EIF2B2: variants seen among roughly 807,000 people sequenced by gnomAD.
EIF2B2 encodes translation initiation factor eIF2B subunit beta.
EIF2B2 carries 34 observed loss-of-function variants against 34.7 expected under a neutral mutation model. That is an observed-to-expected ratio of 0.98 (90% CI 0.75 to 1.31). The LOEUF is 1.31. Ranked by LOEUF, EIF2B2 falls within the 50% of genes most tolerant of loss-of-function variation. The pLI is 0.00. For synonymous variants in EIF2B2, 155 were observed against 171.6 expected (o/e 0.90, Z 0.76); for missense variants, 361 against 447.7 (o/e 0.81, Z 1.75).
At position 75,004,689 on chromosome 14, in the gene EIF2B2, ATTTTTTTTTTTTTT is replaced by A. The variant is rs376012405; in HGVS notation, c.434-32_434-19del. 26 of 155,340 alleles carry A rather than the reference ATTTTTTTTTTTTTT, an allele frequency of 1.7e-4. 3 individuals are homozygous for A. The highest frequency in any genetic ancestry group is 8.4e-4 in the East Asian group (5 of 5,956). The allele number at this position is 155,340 out of a possible 1,614,324, so 9.6% of individuals were successfully genotyped here. ...TTCATATATATATATATATATATAT[ATTTTTTTTTTTTTT>A]TTTTTTTTTTTTTTTGCAAAACCGT... On this transcript the variant is annotated intron_variant, in intron 3 of 7. Transcript: ENST00000266126.
Position 75,009,064 on chromosome 14 carries a change from CTG to C in EIF2B2, c.936_937del (p.Phe313Ter). The C allele has an allele frequency of 1.9e-6, 3 of 1,614,060 alleles. No individual in the cohort carries two copies. The highest frequency in any genetic ancestry group is 2.5e-6 in the Non-Finnish European group (3 of 1,179,990). On this transcript the variant is annotated frameshift_variant, in exon 8 of 8. Coordinates refer to ENST00000266126, the MANE Select transcript of EIF2B2 (RefSeq NM_014239.4). LOFTEE classifies it high-confidence loss of function. ...CTGGAGAAGGTCAGCGTGCATTGCC[CTG>C]TGTTTGACTACGTTCCCCCAGAGCT...
In EIF2B2 at chr14:75,002,961, C is replaced by A. The variant is rs746984359; in HGVS notation, c.-30C>A. On this transcript the variant is annotated 5_prime_UTR_variant, in exon 1 of 8. Transcript: ENST00000266126. ...GTGGTCTGGCAGGTGTGGATTCCGC[C>A]GGTGAAGGCTGAAGGCAGCTACCTT... 2 of 1,613,462 alleles carry A rather than the reference C, an allele frequency of 1.2e-6. No homozygotes were observed. The highest frequency in any genetic ancestry group is 1.7e-6 in the Non-Finnish European group (2 of 1,180,010).
At chr14:75,003,512 C>T (rs746678040) in intron 2 of EIF2B2, 39 bp from the exon 3 acceptor site, 1 of 1,614,136 alleles carries the variant, frequency 6.2e-7, no homozygotes, top group South Asian at 1.1e-5. Flanking sequence ...CCTGACCACT[C>T]CTCCCCACCT....
rs1889672136 is a variant in EIF2B2, at chr14:75,009,308, A to G, written c.*120A>G. On this transcript the variant is annotated 3_prime_UTR_variant, in exon 8 of 8. Coordinates refer to ENST00000266126, the MANE Select transcript of EIF2B2 (RefSeq NM_014239.4). ...AGTGCACAGGAGTCCACCTAAAAAA[A>G]AAATCCTTGATACTGTTGCCTGCCT... The G allele has an allele frequency of 7.8e-7, 1 of 1,280,650 alleles. No homozygotes were observed. Among genetic ancestry groups the G allele is most frequent in the Non-Finnish European group, 1.1e-6 (1 of 889,456 alleles). 79.3% of individuals were successfully genotyped at this position (1,280,650 alleles called of 1,614,324 possible).
At chr14:75,003,228 C>A (rs1393564240) in intron 1 of EIF2B2, 47 bp from the exon 2 acceptor site, 19 of 1,613,230 alleles carry the variant, frequency 1.2e-5, no homozygotes, top group African/African-American at 5.3e-5. Context: ...ATTTCCCAGG[C>A]CTCACTTCGC....
intron 7 of EIF2B2, among the ~76,000 whole-genome samples, chr14:75,008,759 A>C (rs1227682205): frequency 1.3e-5 from 2 of 152,160 alleles, no homozygotes; most frequent in Non-Finnish European, 2.9e-5. Context: ...AGTGGTCCAA[A>C]TTGTAATTCA....
chr14:75,005,087 G>C, intron 4 of EIF2B2, 187 bp downstream of exon 4: 1 of 668,674 alleles, frequency 1.5e-6, no homozygotes, highest in Non-Finnish European at 2.6e-6. Flanking sequence ...AGTGGTTTAA[G>C]AAAGTTGGGG....
rs1889693664 is a variant in EIF2B2, at chr14:75,010,771, G to C, written c.*1583G>C. 1 of 152,128 alleles carries C rather than the reference G, an allele frequency of 6.6e-6. No individual in the cohort carries two copies. The highest frequency in any genetic ancestry group is 2.1e-4 in the South Asian group (1 of 4,826). 9.4% of individuals were successfully genotyped at this position (152,128 alleles called of 1,614,324 possible). On this transcript the variant is annotated 3_prime_UTR_variant, in exon 8 of 8. Coordinates refer to ENST00000266126, the MANE Select transcript of EIF2B2 (RefSeq NM_014239.4). ...CTGTAGGCATTTGAGTTGTGATCCT[G>C]GTGTTAAAAGAATGGGACAGATTTG...
At position 75,006,871 on chromosome 14, in the gene EIF2B2, A is replaced by T; in HGVS notation, c.831+157A>T. The T allele has an allele frequency of 9.0e-7, 1 of 1,115,968 alleles. No individual in the cohort carries two copies. Among genetic ancestry groups the T allele is most frequent in the Non-Finnish European group, 1.3e-6 (1 of 745,336 alleles). 69.1% of individuals were successfully genotyped at this position (1,115,968 alleles called of 1,614,324 possible). A position where few individuals can be genotyped will look rare whatever the true frequency, so the allele number is the denominator to read the frequency against. On this transcript the variant is annotated intron_variant, in intron 6 of 7. Coordinates refer to ENST00000266126, the MANE Select transcript of EIF2B2 (RefSeq NM_014239.4). This position sits in a 1 kb window ranked among gnomAD's most constrained non-coding sequence, Gnocchi z 4.1. ...AGTGGAGGCTGGAAAGAACCACAGA[A>T]GTCTTGATTCAGTAAAACAGTTGAG...
chr14:75,003,500 T>C lies in EIF2B2; in HGVS notation c.285-51T>C, dbSNP rs777252700. 7 of 1,614,162 alleles carry C rather than the reference T, an allele frequency of 4.3e-6. No homozygotes were observed. In the South Asian group the frequency reaches 7.7e-5, roughly 18 times the overall value. On this transcript the variant is annotated intron_variant, in intron 2 of 7. Transcript: ENST00000266126. ...TTGGAGCTGAACAGCCCTTGTTACC[T>C]GCCTGACCACTCCTCCCCACCTCTC...
chr14:75,006,002 G>A lies in EIF2B2; in HGVS notation c.693+41G>A, dbSNP rs1189509765. The A allele has an allele frequency of 1.3e-6, 2 of 1,508,870 alleles. No homozygotes were observed. The highest frequency in any genetic ancestry group is 1.8e-6 in the Non-Finnish European group (2 of 1,085,354). 93.5% of individuals were successfully genotyped at this position (1,508,870 alleles called of 1,614,324 possible). On this transcript the variant is annotated intron_variant, in intron 5 of 7. Coordinates refer to ENST00000266126, the MANE Select transcript of EIF2B2 (RefSeq NM_014239.4). The surrounding 1 kb of genome is among the most constrained non-coding windows in gnomAD (Gnocchi z 4.1). Reference sequence around the variant, plus strand: ...GTTATGTTGAATTCATGAAGATTATGTTTCTAAAATATTGATTTTTATCTC... The same window carrying A: ...GTTATGTTGAATTCATGAAGATTATATTTCTAAAATATTGATTTTTATCTC...
At chr14:75,007,404 G>A (rs951897456) in intron 6 of EIF2B2, 1 of 349,376 alleles carries the variant, frequency 2.9e-6, no homozygotes, top group African/African-American at 2.1e-5. Flanking sequence ...TGTATAAAAG[G>A]AATCATATAA....
At position 75,006,956 on chromosome 14, in the gene EIF2B2, G is replaced by A; in HGVS notation, c.831+242G>A. The A allele has an allele frequency of 1.5e-6, 1 of 674,474 alleles. No homozygotes were observed. Among genetic ancestry groups the A allele is most frequent in the Non-Finnish European group, 2.7e-6 (1 of 374,692 alleles). The allele number at this position is 674,474 out of a possible 1,614,324, so 41.8% of individuals were successfully genotyped here. ...GTAAGGACAATATGTAGTTGGGAAA[G>A]GTCCTTTGCTTACGATTGCCACCAC... On this transcript the variant is annotated intron_variant, in intron 6 of 7. Coordinates refer to ENST00000266126, the MANE Select transcript of EIF2B2 (RefSeq NM_014239.4). This position sits in a 1 kb window ranked among gnomAD's most constrained non-coding sequence, Gnocchi z 4.1.
In EIF2B2 at chr14:75,003,714, C is replaced by T. The variant is rs766487534; in HGVS notation, c.433+15C>T. On this transcript the variant is annotated intron_variant, in intron 3 of 7. Transcript: ENST00000266126. Reference sequence around the variant, plus strand: ...AGTGGAGCTGGGTAAGAGGCCTGATCGCTGGGAAAATGGGACTGGTCACAG... The same window carrying T: ...AGTGGAGCTGGGTAAGAGGCCTGATTGCTGGGAAAATGGGACTGGTCACAG... 180 of 1,613,924 alleles carry T rather than the reference C, an allele frequency of 1.1e-4. No individual in the cohort carries two copies. Among genetic ancestry groups the T allele is most frequent in the Non-Finnish European group, 1.4e-4 (161 of 1,180,004 alleles).
At position 75,009,616 on chromosome 14, in the gene EIF2B2, T is replaced by G. The variant is rs1410908401; in HGVS notation, c.*428T>G. On this transcript the variant is annotated 3_prime_UTR_variant, in exon 8 of 8. Transcript: ENST00000266126. ...ATAGTTGGTTTATTTATTGTCCTAC[T>G]CTGACAGAACTGCTTGAAACAGCAG... The G allele has an allele frequency of 3.6e-6, 1 of 278,468 alleles. No individual in the cohort carries two copies. Among genetic ancestry groups the G allele is most frequent in the African/African-American group, 2.2e-5 (1 of 45,194 alleles). The allele number at this position is 278,468 out of a possible 1,614,324, so 17.2% of individuals were successfully genotyped here.
At position 75,010,106 on chromosome 14, in the gene EIF2B2, C is replaced by G. The variant is rs1456764848; in HGVS notation, c.*918C>G. 2.0e-5 allele frequency: 3 copies of G among 152,228 alleles called. No individual in the cohort carries two copies. The highest frequency in any genetic ancestry group is 4.4e-5 in the Non-Finnish European group (3 of 68,052). 9.4% of individuals were successfully genotyped at this position (152,228 alleles called of 1,614,324 possible). On this transcript the variant is annotated 3_prime_UTR_variant, in exon 8 of 8. Transcript: ENST00000266126. Reference sequence around the variant, plus strand: ...TAGTCTAAAACAGTAGTTCCAAAACCTCGCTGATCATCAGAATCACCTGAG... The same window carrying G: ...TAGTCTAAAACAGTAGTTCCAAAACGTCGCTGATCATCAGAATCACCTGAG...
At position 75,006,315 on chromosome 14, in the gene EIF2B2, G is replaced by C; in HGVS notation, c.694-262G>C. 1.7e-6 allele frequency: 1 copy of C among 576,490 alleles called. No individual in the cohort carries two copies. The highest frequency in any genetic ancestry group is 2.1e-5 in the South Asian group (1 of 48,564). The allele number at this position is 576,490 out of a possible 1,614,324, so 35.7% of individuals were successfully genotyped here. A position where few individuals can be genotyped will look rare whatever the true frequency, so the allele number is the denominator to read the frequency against. On this transcript the variant is annotated intron_variant, in intron 5 of 7. Coordinates refer to ENST00000266126, the MANE Select transcript of EIF2B2 (RefSeq NM_014239.4). The surrounding 1 kb of genome is among the most constrained non-coding windows in gnomAD (Gnocchi z 4.1). ...GAAAAAGATTCCTGGCTTCTCAGAAGGTATGGCATCTCAATTTCCAGAAAA... is the reference window on the plus strand; with the variant it reads ...GAAAAAGATTCCTGGCTTCTCAGAACGTATGGCATCTCAATTTCCAGAAAA...
rs185424432 is a variant in EIF2B2, at chr14:75,010,504, G to A, written c.*1316G>A. The A allele has an allele frequency of 2.6e-4, 40 of 152,266 alleles. No individual in the cohort carries two copies. Among genetic ancestry groups the A allele is most frequent in the Admixed American group, 1.7e-3 (26 of 15,296 alleles). 9.4% of individuals were successfully genotyped at this position (152,266 alleles called of 1,614,324 possible). ...TGTCTGGATTGAAGGCATTTGGGCT[G>A]GTTCACTGCATTTAATGTGAATTTG... On this transcript the variant is annotated 3_prime_UTR_variant, in exon 8 of 8. Coordinates refer to ENST00000266126, the MANE Select transcript of EIF2B2 (RefSeq NM_014239.4).
chr14:75,003,938 T>C (rs1435975017), intron 3 of EIF2B2, among the ~76,000 whole-genome samples: 1 of 152,218 alleles, frequency 6.6e-6, no homozygotes, highest in Non-Finnish European at 1.5e-5. Context: ...GAACAGACTC[T>C]ATTAGGACAG....
Sources: gnomAD v4.1 joint callset for allele counts (sites outside exome capture counted in the v4.1 genomes callset) on GRCh38, gnomAD v4.1.1 for gene constraint, Gnocchi (gnomAD v3.1) non-coding constraint, MANE v1.5 for transcripts, NCBI Gene and HGNC (gene_info 2026-07-23, HGNC 2026-07-21) for gene names.